Variants in ZNF385D observed in about 807,000 individuals in gnomAD.
The protein encoded by ZNF385D is zinc finger protein 385D.
Under a neutral mutation model 35.8 loss-of-function variants are expected in ZNF385D, and 15 were observed. The ratio of observed to expected loss-of-function variants is 0.42; its 90% CI spans 0.28 to 0.64. ZNF385D has a LOEUF of 0.64. Ranked by LOEUF, ZNF385D falls within the 30% of genes least tolerant of loss-of-function variation. The pLI is 0.23. For synonymous variants in ZNF385D, 212 were observed against 186.8 expected (o/e 1.13, Z -1.10); for missense variants, 474 against 494.6 (o/e 0.96, Z 0.39).
At chr3:21,989,570 G>T (rs1392618741) in intron 3 of ZNF385D, among the ~76,000 whole-genome samples, 1 of 152,080 alleles carries the variant, frequency 6.6e-6, no homozygotes, top group Non-Finnish European at 1.5e-5. Flanking sequence ...GATGAAATAG[G>T]CTTTAAATGT....
intron 3 of ZNF385D, among the ~76,000 whole-genome samples, chr3:22,049,681 TAG>T (rs1410889408): frequency 1.3e-5 from 2 of 152,224 alleles, no homozygotes; most frequent in African/African-American, 2.4e-5. Context: ...TGTGTCGAAA[TAG>T]ATTCTTTCTA....
intron 2 of ZNF385D, among the ~76,000 whole-genome samples, chr3:21,623,575 C>T (rs902977182): frequency 2.6e-5 from 4 of 151,916 alleles, no homozygotes; most frequent in Non-Finnish European, 2.9e-5. Flanking sequence ...CCCAGGAGTT[C>T]GAGCTATGAT....
chr3:21,979,725 T>C (rs1207216518), intron 3 of ZNF385D: 3 of 152,162 alleles, frequency 2.0e-5, no homozygotes, highest in African/African-American at 7.2e-5. Flanking sequence ...ATGAGGTCTT[T>C]GCAGAAAGAT....
At chr3:21,935,585 C>T (rs559347485) in intron 3 of ZNF385D, among the ~76,000 whole-genome samples, 4 of 152,072 alleles carry the variant, frequency 2.6e-5, no homozygotes, top group South Asian at 2.1e-4. Context: ...TTTCTGTTGA[C>T]GAAAATCAAT....
chr3:21,877,362 G>C (rs1698034150), intron 3 of ZNF385D, among the ~76,000 whole-genome samples: 1 of 152,054 alleles, frequency 6.6e-6, no homozygotes, highest in African/African-American at 2.4e-5. Flanking sequence ...ATCAATTCAA[G>C]AGCAGATGCC....
At chr3:21,423,912 C>G (rs776699357) in intron 7 of ZNF385D, 51 bp downstream of exon 7, 2 of 1,553,120 alleles carry the variant, frequency 1.3e-6, no homozygotes, top group Non-Finnish European at 1.8e-6. Flanking sequence ...ATCAAGAAAC[C>G]AATAATTCCA....
chr3:22,042,100 G>A (rs1016958138), intron 3 of ZNF385D, among the ~76,000 whole-genome samples: 1 of 152,084 alleles, frequency 6.6e-6, no homozygotes, highest in East Asian at 1.9e-4. Flanking sequence ...ATCAGATTGG[G>A]TCAAACATGG....
At chr3:22,088,519 C>G (rs1422298626) in intron 3 of ZNF385D, among the ~76,000 whole-genome samples, 3 of 152,126 alleles carry the variant, frequency 2.0e-5, no homozygotes, top group Admixed American at 1.3e-4. Context: ...TTGCAATCAT[C>G]TGAAATTGTT....
At chr3:21,944,727 T>C (rs1001169498) in intron 3 of ZNF385D, among the ~76,000 whole-genome samples, 2 of 148,860 alleles carry the variant, frequency 1.3e-5, no homozygotes, top group African/African-American at 5.0e-5. Context: ...ATTAGTGTTA[T>C]GGGATGAGAG....
chr3:22,321,768 G>A (rs958707994), intron 2 of ZNF385D, among the ~76,000 whole-genome samples: 3 of 151,844 alleles, frequency 2.0e-5, no homozygotes, highest in Non-Finnish European at 4.4e-5. Flanking sequence ...TTTTTCTTAT[G>A]ATTGCTGGTG....
intron 3 of ZNF385D, among the ~76,000 whole-genome samples, chr3:21,898,000 C>A (rs1472195664): frequency 6.6e-6 from 1 of 152,106 alleles, no homozygotes; most frequent in Non-Finnish European, 1.5e-5. Flanking sequence ...TCTTTATCCA[C>A]CTAGAGGTTT....
At chr3:21,901,341 T>G (rs1005690206) in intron 3 of ZNF385D, among the ~76,000 whole-genome samples, 1 of 152,128 alleles carries the variant, frequency 6.6e-6, no homozygotes, top group African/African-American at 2.4e-5. Context: ...ATCATCATAT[T>G]TACCAATGCT....
chr3:21,789,754 A>C (rs551783990), intron 3 of ZNF385D, among the ~76,000 whole-genome samples: 1 of 152,214 alleles, frequency 6.6e-6, no homozygotes, highest in African/African-American at 2.4e-5. Context: ...TACTAAACAA[A>C]GATGTAAAAT....
At chr3:21,872,327 T>C (rs1697737903) in intron 3 of ZNF385D, among the ~76,000 whole-genome samples, 1 of 152,198 alleles carries the variant, frequency 6.6e-6, no homozygotes, top group African/African-American at 2.4e-5. Context: ...TACATTATGT[T>C]GTAAAGACTT....
chr3:21,964,648 C>T lies in ZNF385D; in HGVS notation c.325+204169G>A, dbSNP rs559002949. ...GGGTTTACAGGTGCCTGCCACCATG[C>T]CCTGCTAATTTTTTTGTATTTTTAG... On this transcript the variant is annotated intron_variant, in intron 3 of 5. Transcript: ENST00000494108. Among the ~76,000 whole-genome samples, 30 of 151,810 alleles carry T rather than the reference C, an allele frequency of 2.0e-4. No individual in the cohort carries two copies. The South Asian group carries it at 2.5e-3, about 13-fold the overall frequency.
At chr3:21,857,385 C>T (rs2673513) in intron 3 of ZNF385D, among the ~76,000 whole-genome samples, 122,897 of 151,990 alleles carry the variant, frequency 0.81, 50,114 homozygotes, top group African/African-American at 0.9. Flanking sequence ...AGTTGTATTC[C>T]TTAGGTGCCA....
intron 3 of ZNF385D, among the ~76,000 whole-genome samples, chr3:21,912,986 AT>A (rs1036361222): frequency 6.6e-6 from 1 of 152,026 alleles, no homozygotes; most frequent in Non-Finnish European, 1.5e-5. Flanking sequence ...TGTGATAATA[AT>A]TTTTTTAAAA....
chr3:21,734,189 G>A (rs768130898), intron 1 of ZNF385D, among the ~76,000 whole-genome samples: 34 of 151,842 alleles, frequency 2.2e-4, no homozygotes, highest in African/African-American at 3.4e-4. Flanking sequence ...TGATATTAGC[G>A]AAGAGTTTGT....
chr3:22,044,180 G>A (rs1698845830), intron 3 of ZNF385D, among the ~76,000 whole-genome samples: 1 of 151,508 alleles, frequency 6.6e-6, no homozygotes, highest in South Asian at 2.1e-4. Flanking sequence ...AGTCACAAAA[G>A]TACTCCTTAA....
Sources: gnomAD v4.1 joint callset for allele counts (sites outside exome capture counted in the v4.1 genomes callset) on GRCh38, gnomAD v4.1.1 for gene constraint, MANE v1.5 for transcripts, NCBI Gene and HGNC (gene_info 2026-07-23, HGNC 2026-07-21) for gene names.